The following ABLIM3 variants were observed in gnomAD, a reference collection of about 807,000 sequenced individuals.
ABLIM3 encodes the protein actin-binding LIM protein 3.
In ABLIM3, 61 loss-of-function variants were observed where a neutral mutation model predicts 109.5. The ratio of observed to expected loss-of-function variants is 0.56; its 90% CI spans 0.45 to 0.69. The LOEUF is 0.69. Ranked by LOEUF, ABLIM3 falls within the 30% of genes least tolerant of loss-of-function variation. The pLI, the probability that ABLIM3 is intolerant of heterozygous loss-of-function variation, is 0.00. For synonymous variants in ABLIM3, 300 were observed against 324.8 expected (o/e 0.92, Z 0.82); for missense variants, 796 against 889.5 (o/e 0.89, Z 1.34).
chr5:149,152,953 A>T (rs1753568209), intron 2 of ABLIM3, among the ~76,000 whole-genome samples: 1 of 152,148 alleles, frequency 6.6e-6, no homozygotes, highest in Non-Finnish European at 1.5e-5. Context: ...CTCAGGAAGA[A>T]ATCAAGGTAG....
chr5:149,246,447 A>G, intron 16 of ABLIM3, 35 bp from the exon 17 acceptor site: 1 of 1,607,466 alleles, frequency 6.2e-7, no homozygotes, highest in South Asian at 1.1e-5. Context: ...AGTGGGGTGC[A>G]CATGCCGGAG....
chr5:149,144,239 T>G (rs967611926), intron 2 of ABLIM3, among the ~76,000 whole-genome samples: 8 of 152,174 alleles, frequency 5.3e-5, no homozygotes, highest in East Asian at 1.9e-4. Context: ...GCCCTCCGGG[T>G]TCCCCCCAGG....
At chr5:149,149,893 C>G (rs1753273549) in intron 2 of ABLIM3, among the ~76,000 whole-genome samples, 2 of 152,192 alleles carry the variant, frequency 1.3e-5, no homozygotes, top group South Asian at 4.1e-4. Context: ...GCTACCACAA[C>G]TGCCCCTAGC....
At chr5:149,168,908 A>G (rs906168501) in intron 2 of ABLIM3, among the ~76,000 whole-genome samples, 1 of 152,190 alleles carries the variant, frequency 6.6e-6, no homozygotes, top group African/African-American at 2.4e-5. Context: ...CTTGTTTAAA[A>G]TGTAAAGCCC....
At chr5:149,226,959 AC>A (rs974242781) in intron 8 of ABLIM3, among the ~76,000 whole-genome samples, 2 of 151,492 alleles carry the variant, frequency 1.3e-5, no homozygotes, top group Non-Finnish European at 2.9e-5. Flanking sequence ...AATCCCAGCT[AC>A]TCAGGAGGCT....
intron 2 of ABLIM3, among the ~76,000 whole-genome samples, chr5:149,143,169 C>A (rs534437613): frequency 6.6e-6 from 1 of 152,002 alleles, no homozygotes; most frequent in South Asian, 2.1e-4. Context: ...TCGAGACCAG[C>A]CTGACCAACA....
At chr5:149,206,413 A>G (rs1758974350) in intron 5 of ABLIM3, among the ~76,000 whole-genome samples, 1 of 152,154 alleles carries the variant, frequency 6.6e-6, no homozygotes, top group Admixed American at 6.5e-5. Context: ...TCATTCATAC[A>G]CATTTGGCAA....
chr5:149,245,121 G>A, intron 16 of ABLIM3, 106 bp downstream of exon 16: 1 of 1,442,042 alleles, frequency 6.9e-7, no homozygotes, highest in Non-Finnish European at 9.5e-7. Context: ...CTGAATAAGA[G>A]TGCTTAGAGG....
intron 4 of ABLIM3, among the ~76,000 whole-genome samples, chr5:149,199,394 C>T (rs1758291488): frequency 6.6e-6 from 1 of 152,172 alleles, no homozygotes; most frequent in South Asian, 2.1e-4. Flanking sequence ...TGTAAGAAAA[C>T]ATAATCCCCT....
chr5:149,257,518 A>G (rs1754541899), intron 23 of ABLIM3, among the ~76,000 whole-genome samples: 1 of 152,212 alleles, frequency 6.6e-6, no homozygotes, highest in African/African-American at 2.4e-5. Flanking sequence ...AACTGTAGCT[A>G]TCCAGGAAAG....
chr5:149,201,704 T>C (rs1490813423), intron 5 of ABLIM3, among the ~76,000 whole-genome samples: 1 of 152,132 alleles, frequency 6.6e-6, no homozygotes, highest in Non-Finnish European at 1.5e-5. Context: ...GTGTTATCCT[T>C]CACAGCTCCT....
intron 8 of ABLIM3, among the ~76,000 whole-genome samples, chr5:149,225,717 C>T (rs933882247): frequency 3.9e-5 from 6 of 152,048 alleles, no homozygotes; most frequent in African/African-American, 1.2e-4. Context: ...CCCAGCCTTT[C>T]CCCCTGAGCC....
intron 4 of ABLIM3, chr5:149,199,194 C>T: frequency 2.2e-6 from 1 of 450,844 alleles, no homozygotes; most frequent in Non-Finnish European, 4.5e-6. Context: ...CTCAGCCCTA[C>T]CCACAAATAC....
At chr5:149,178,069 A>G (rs1476186552) in intron 2 of ABLIM3, among the ~76,000 whole-genome samples, 1 of 152,196 alleles carries the variant, frequency 6.6e-6, no homozygotes, top group East Asian at 1.9e-4. Context: ...CAGTGCAACG[A>G]TCCCATGACT....
At chr5:149,240,612 C>G in intron 13 of ABLIM3, 64 bp from the exon 14 acceptor site, 1 of 1,329,162 alleles carries the variant, frequency 7.5e-7, no homozygotes, top group Non-Finnish European at 1.1e-6. Context: ...AAACTGCCAC[C>G]GCGTTAATGC....
At chr5:149,190,626 G>T (rs1757396962) in intron 3 of ABLIM3, among the ~76,000 whole-genome samples, 2 of 152,204 alleles carry the variant, frequency 1.3e-5, no homozygotes, top group Admixed American at 1.3e-4. Flanking sequence ...GTTGCAGTGA[G>T]TTGTTATCAC....
At position 149,216,113 on chromosome 5, in the gene ABLIM3, A is replaced by G. The variant is rs144891686; in HGVS notation, c.670-846A>G. Among the ~76,000 whole-genome samples, 244 of 152,332 alleles carry G rather than the reference A, an allele frequency of 1.6e-3. 1 individual carries two copies. The highest frequency in any genetic ancestry group is 3.1e-3 in the Non-Finnish European group (209 of 68,044). On this transcript the variant is annotated intron_variant, in intron 7 of 23. Coordinates refer to ENST00000309868, the MANE Select transcript of ABLIM3 (RefSeq NM_014945.5). Reference sequence around the variant, plus strand: ...GGACACACCAGGGCAAAATAGTCACAGGACTGGCCTGGGGATCTGGGGCTC... The same window carrying G: ...GGACACACCAGGGCAAAATAGTCACGGGACTGGCCTGGGGATCTGGGGCTC...
rs1271532805 is a variant in ABLIM3 at position 149,198,401 on chromosome 5, A to G, written c.334A>G (p.Arg112Gly). ...CAAGTGCTTCGTGTGCAGCTTGTGC[A>G]GGTGAGTGGGCGACCAGCAGGGCCT... ...HPKCFVCSLC[R>G]KPFPIGDKVT... is the part of the protein sequence containing the mutation. Residue 112 changes from arginine (R) to glycine (G), a missense_variant and splice_region_variant, in exon 4 of 24, where the codon AGG (arginine) becomes GGG (glycine). Coordinates refer to ENST00000309868, the MANE Select transcript of ABLIM3 (RefSeq NM_014945.5). This position sits in a 1 kb window ranked among gnomAD's most constrained non-coding sequence, Gnocchi z 4.2. The G allele has an allele frequency of 1.2e-6, 2 of 1,606,506 alleles. No homozygotes were observed. Among genetic ancestry groups the G allele is most frequent in the Non-Finnish European group, 1.7e-6 (2 of 1,175,956 alleles).
At chr5:149,152,841 G>T (rs1753560644) in intron 2 of ABLIM3, among the ~76,000 whole-genome samples, 1 of 152,020 alleles carries the variant, frequency 6.6e-6, no homozygotes, top group Non-Finnish European at 1.5e-5. Flanking sequence ...ATTGCATGTG[G>T]CTACTCACAA....
Sources: allele counts gnomAD v4.1 joint callset (sites outside exome capture counted in the v4.1 genomes callset), GRCh38; gene constraint gnomAD v4.1.1; non-coding constraint Gnocchi (gnomAD v3.1); transcripts MANE v1.5; gene names NCBI Gene and HGNC (gene_info 2026-07-23, HGNC 2026-07-21).